The following CDH4 variants were observed in gnomAD, a reference collection of about 807,000 sequenced individuals.
The protein encoded by CDH4 is cadherin 4.
CDH4 carries 33 observed loss-of-function variants against 86.0 expected under a neutral mutation model. That is an observed-to-expected ratio of 0.38 (90% CI 0.29 to 0.51). The LOEUF is 0.51. Ranked by LOEUF, CDH4 falls within the 20% of genes least tolerant of loss-of-function variation. The probability of loss-of-function intolerance (pLI) is 0.86; values close to 1 mark genes in which losing one functional copy is unlikely to be tolerated. For missense variants in CDH4, 1,114 were observed against 1,307.4 expected, an observed-to-expected ratio of 0.85 and a Z score of 2.28; for synonymous variants, 555 against 549.4, an observed-to-expected ratio of 1.01 and a Z score of -0.14.
In CDH4 at chr20:61,936,887, T is replaced by C; in HGVS notation, c.2695T>C (p.Trp899Arg). The C allele has an allele frequency of 6.2e-7, 1 of 1,602,640 alleles. No homozygotes were observed. Among genetic ancestry groups the C allele is most frequent in the Non-Finnish European group, 8.5e-7 (1 of 1,174,822 alleles). ...CCAAGACTACGATTACCTCAACGAC[T>C]GGGGGCCCAGATTCAAGAAGCTGGC... ...GDQDYDYLND[W>R]GPRFKKLADM... The change falls in exon 16 of 16, where the codon TGG becomes CGG. Residue 899 changes from tryptophan (W) to arginine (R), a missense_variant. Transcript: ENST00000614565.
intron 2 of CDH4, among the ~76,000 whole-genome samples, chr20:61,511,695 A>G (rs1427093770): frequency 6.6e-6 from 1 of 152,228 alleles, no homozygotes; most frequent in African/African-American, 2.4e-5. Flanking sequence ...GAAGATGTTC[A>G]TGTTTGGCGA....
intron 3 of CDH4, among the ~76,000 whole-genome samples, chr20:61,770,337 C>T (rs534618741): frequency 5.3e-5 from 8 of 152,338 alleles, no homozygotes; most frequent in East Asian, 3.9e-4. Flanking sequence ...AGATGCCTCC[C>T]GGCCAGCTTT....
chr20:61,436,808 C>G (rs1466296489), intron 2 of CDH4, among the ~76,000 whole-genome samples: 2 of 152,218 alleles, frequency 1.3e-5, no homozygotes, highest in Non-Finnish European at 2.9e-5. Context: ...ACCAGCCTCC[C>G]CATCCTAAAA....
At chr20:61,847,036 A>G (rs6061368) in intron 5 of CDH4, among the ~76,000 whole-genome samples, 8,337 of 152,212 alleles carry the variant, frequency 0.055, 478 homozygotes, top group East Asian at 0.14. Context: ...TTCCCAGGTG[A>G]CCTGCACCAG....
chr20:61,537,619 C>CAG (rs1458303102), intron 2 of CDH4, among the ~76,000 whole-genome samples: 4 of 152,222 alleles, frequency 2.6e-5, no homozygotes, highest in African/African-American at 9.6e-5. Context: ...GATTTAGAAG[C>CAG]AGAAGCGGGC....
chr20:61,321,036 C>T (rs1380959589), intron 2 of CDH4, among the ~76,000 whole-genome samples: 3 of 152,164 alleles, frequency 2.0e-5, no homozygotes, highest in South Asian at 2.1e-4. Flanking sequence ...CCGGGTCCTT[C>T]CCCAGGGTCC....
intron 3 of CDH4, among the ~76,000 whole-genome samples, chr20:61,761,710 G>A (rs776023989): frequency 4.6e-5 from 7 of 152,282 alleles, no homozygotes; most frequent in South Asian, 2.1e-4. Flanking sequence ...AGGGGTGAGC[G>A]CGGATTTTGT....
intron 3 of CDH4, among the ~76,000 whole-genome samples, chr20:61,758,284 G>A (rs902895809): frequency 2.0e-5 from 3 of 152,194 alleles, no homozygotes; most frequent in African/African-American, 4.8e-5. Flanking sequence ...TCCAGACAGA[G>A]GGAACAGCAG....
chr20:61,757,780 C>T (rs1210813554), intron 3 of CDH4, among the ~76,000 whole-genome samples: 2 of 152,178 alleles, frequency 1.3e-5, no homozygotes, highest in Admixed American at 6.5e-5. Context: ...GCTCTGGTCA[C>T]GTGAGCCGTG....
At chr20:61,901,510 G>C (rs1363653282) in intron 8 of CDH4, among the ~76,000 whole-genome samples, 1 of 152,254 alleles carries the variant, frequency 6.6e-6, no homozygotes, top group Non-Finnish European at 1.5e-5. Context: ...GGGCGCAGCA[G>C]ACCACACCCC....
chr20:61,344,926 C>T (rs960683729), intron 2 of CDH4, among the ~76,000 whole-genome samples: 4 of 152,182 alleles, frequency 2.6e-5, no homozygotes, highest in East Asian at 1.9e-4. Flanking sequence ...GGTTCTGCGC[C>T]GGCTATTGAC....
rs899705904 is a variant in CDH4, at chr20:61,708,248, G to A, written c.170-35315G>A. ...CACAGGGCTGAGTGTAGCGTGGCCA[G>A]CAGGGGGTTGACTTTTACCCCGAAC... On this transcript the variant is annotated intron_variant, in intron 2 of 15. Coordinates refer to ENST00000614565, the MANE Select transcript of CDH4 (RefSeq NM_001794.5). This position sits in a 1 kb window ranked among gnomAD's most constrained non-coding sequence, Gnocchi z 4.5. Among the ~76,000 whole-genome samples, 1 of 152,146 alleles carries A rather than the reference G, an allele frequency of 6.6e-6. No individual in the cohort carries two copies. The highest frequency in any genetic ancestry group is 2.4e-5 in the African/African-American group (1 of 41,440).
intron 2 of CDH4, chr20:61,435,589 G>A (rs1391348282): frequency 6.6e-6 from 1 of 152,400 alleles, no homozygotes; most frequent in Non-Finnish European, 1.5e-5. Context: ...GGAAGTAGGA[G>A]AATCATCCGG....
At chr20:61,888,764 A>T (rs1984658090) in intron 7 of CDH4, among the ~76,000 whole-genome samples, 1 of 152,186 alleles carries the variant, frequency 6.6e-6, no homozygotes, top group Admixed American at 6.5e-5. Context: ...AGTCCCATCC[A>T]TAACAAAGGC....
At chr20:61,712,907 G>A (rs1422741506) in intron 2 of CDH4, among the ~76,000 whole-genome samples, 1 of 152,184 alleles carries the variant, frequency 6.6e-6, no homozygotes, top group Non-Finnish European at 1.5e-5. Context: ...TGACAGGCAG[G>A]AAGTCAGTTT....
intron 2 of CDH4, among the ~76,000 whole-genome samples, chr20:61,666,567 A>C (rs1434792671): frequency 6.6e-6 from 1 of 152,194 alleles, no homozygotes; most frequent in Non-Finnish European, 1.5e-5. Flanking sequence ...CAGAGTCCAC[A>C]TGGAGGACGG....
chr20:61,797,159 A>G (rs987351685), intron 4 of CDH4, among the ~76,000 whole-genome samples: 4 of 152,116 alleles, frequency 2.6e-5, no homozygotes, highest in Admixed American at 6.5e-5. Flanking sequence ...AAGAACAATA[A>G]TGCCGTTGCC....
intron 2 of CDH4, among the ~76,000 whole-genome samples, chr20:61,554,864 T>G (rs1555867369): frequency 6.8e-6 from 1 of 147,420 alleles, no homozygotes; most frequent in Non-Finnish European, 1.5e-5. Context: ...GTTCGCATGT[T>G]TGTGTGTCTG....
chr20:61,878,034 C>T (rs533146096), intron 7 of CDH4, among the ~76,000 whole-genome samples: 2 of 152,130 alleles, frequency 1.3e-5, no homozygotes, highest in South Asian at 2.1e-4. Flanking sequence ...CACAGACGGG[C>T]GTGGTCATCC....
Sources: allele counts gnomAD v4.1 joint callset (sites outside exome capture counted in the v4.1 genomes callset), GRCh38; gene constraint gnomAD v4.1.1; non-coding constraint Gnocchi (gnomAD v3.1); transcripts MANE v1.5; gene names NCBI Gene and HGNC (gene_info 2026-07-23, HGNC 2026-07-21).